The following SLAMF6 variants were observed in gnomAD, a reference collection of about 807,000 sequenced individuals.
The protein encoded by SLAMF6 is SLAM family member 6.
In SLAMF6, 21 loss-of-function variants were observed where a neutral mutation model predicts 38.3. The ratio of observed to expected loss-of-function variants is 0.55; its 90% CI spans 0.39 to 0.79. The LOEUF is 0.79. Among genes scored for constraint, SLAMF6 ranks in the 30% least tolerant of loss-of-function variants. The pLI is 0.00. For missense variants in SLAMF6, 341 were observed against 385.3 expected (o/e 0.89, Z 0.96); for synonymous variants, 152 against 146.3 (o/e 1.04, Z -0.28).
At chr1:160,486,998 G>A in intron 7 of SLAMF6, 106 bp downstream of exon 7, 1 of 1,070,024 alleles carries the variant, frequency 9.3e-7, no homozygotes, top group South Asian at 1.4e-5. Flanking sequence ...TGCTGCTGCT[G>A]TTTGTGCATC....
At chr1:160,490,311 T>G in intron 4 of SLAMF6, 75 bp from the exon 5 acceptor site, 3 of 1,606,982 alleles carry the variant, frequency 1.9e-6, no homozygotes, top group Non-Finnish European at 2.6e-6. Context: ...CCCGTGAGTG[T>G]TGGGATGTGG....
At chr1:160,519,898 A>G (rs1352276589) in intron 1 of SLAMF6, among the ~76,000 whole-genome samples, 1 of 152,158 alleles carries the variant, frequency 6.6e-6, no homozygotes, top group African/African-American at 2.4e-5. Flanking sequence ...AATGTACAAA[A>G]TGTCACTTTA....
chr1:160,489,792 T>C (rs1480151477), intron 5 of SLAMF6, among the ~76,000 whole-genome samples: 1 of 152,192 alleles, frequency 6.6e-6, no homozygotes, highest in Non-Finnish European at 1.5e-5. Flanking sequence ...TCATGTTTTC[T>C]CTTTCCACTG....
chr1:160,512,988 G>A (rs1654567984), intron 1 of SLAMF6, among the ~76,000 whole-genome samples: 1 of 152,138 alleles, frequency 6.6e-6, no homozygotes, highest in South Asian at 2.1e-4. Flanking sequence ...TCTCCAGCAG[G>A]GCACACAACT....
chr1:160,517,335 T>C (rs528319968), intron 1 of SLAMF6, among the ~76,000 whole-genome samples: 4 of 152,074 alleles, frequency 2.6e-5, no homozygotes, highest in Admixed American at 2.6e-4. Flanking sequence ...AGAATAGTGA[T>C]TATGAAAAAG....
chr1:160,499,323 C>A (rs961031751), intron 1 of SLAMF6, among the ~76,000 whole-genome samples: 4 of 152,126 alleles, frequency 2.6e-5, no homozygotes, highest in African/African-American at 9.7e-5. Context: ...GGAGTCCTTT[C>A]CCCATTGCTC....
At chr1:160,510,501 C>CTTAG (rs1654417338) in intron 1 of SLAMF6, among the ~76,000 whole-genome samples, 1 of 152,036 alleles carries the variant, frequency 6.6e-6, no homozygotes, top group African/African-American at 2.4e-5. Context: ...TAATGGCCAT[C>CTTAG]TTAGTTGATG....
intron 6 of SLAMF6, among the ~76,000 whole-genome samples, chr1:160,487,467 T>C (rs1219134112): frequency 2.0e-5 from 3 of 152,220 alleles, no homozygotes; most frequent in African/African-American, 7.2e-5. Flanking sequence ...TCTTGTCCTT[T>C]GTCCAGCTCT....
At chr1:160,515,544 G>T (rs1264690012) in intron 1 of SLAMF6, among the ~76,000 whole-genome samples, 4 of 152,042 alleles carry the variant, frequency 2.6e-5, no homozygotes, top group Non-Finnish European at 5.9e-5. Flanking sequence ...ACCTGGCAGA[G>T]ATACAACAAA....
chr1:160,519,644 G>A (rs12031547), intron 1 of SLAMF6, among the ~76,000 whole-genome samples: 3,912 of 152,218 alleles, frequency 0.026, 102 homozygotes, highest in East Asian at 0.11. Flanking sequence ...ACATGGTTCA[G>A]CATAGGTGAA....
intron 7 of SLAMF6, 151 bp from the exon 8 acceptor site, chr1:160,486,905 A>G (rs1557931804): frequency 1.7e-5 from 17 of 1,015,098 alleles, no homozygotes; most frequent in Non-Finnish European, 2.5e-5. Flanking sequence ...AAAACATGTA[A>G]TTGAAAACTC....
chr1:160,501,943 C>T (rs116496293), intron 1 of SLAMF6, among the ~76,000 whole-genome samples: 154 of 151,818 alleles, frequency 1.0e-3, no homozygotes, highest in African/African-American at 3.7e-3. Context: ...AAAACCAAAC[C>T]AAAGCAAAAC....
chr1:160,493,292 A>G (rs1653403174), intron 2 of SLAMF6, among the ~76,000 whole-genome samples: 1 of 152,052 alleles, frequency 6.6e-6, no homozygotes, highest in Non-Finnish European at 1.5e-5. Context: ...TCTGCGTGGC[A>G]CACTTCCTCA....
intron 1 of SLAMF6, among the ~76,000 whole-genome samples, chr1:160,506,052 T>C (rs1358355353): frequency 6.6e-6 from 1 of 151,968 alleles, no homozygotes; most frequent in Non-Finnish European, 1.5e-5. Context: ...ATAAGCATAA[T>C]AGGAGTCCAA....
chr1:160,500,829 T>TA (rs1653848255), intron 1 of SLAMF6, among the ~76,000 whole-genome samples: 1 of 152,126 alleles, frequency 6.6e-6, no homozygotes, highest in African/African-American at 2.4e-5. Flanking sequence ...GCTCAGTTCC[T>TA]TTTGGTAGGG....
At chr1:160,521,345 T>C (rs547522769) in intron 1 of SLAMF6, among the ~76,000 whole-genome samples, 1 of 152,270 alleles carries the variant, frequency 6.6e-6, no homozygotes, top group African/African-American at 2.4e-5. Flanking sequence ...TCTTTCCCCA[T>C]CTGTGAAGTG....
chr1:160,499,344 G>A (rs1174494641), intron 1 of SLAMF6, among the ~76,000 whole-genome samples: 2 of 152,062 alleles, frequency 1.3e-5, no homozygotes, highest in African/African-American at 4.8e-5. Flanking sequence ...GCTTTTGTTG[G>A]CCTTGTCAAA....
At chr1:160,516,261 A>G (rs1470930619) in intron 1 of SLAMF6, among the ~76,000 whole-genome samples, 1 of 152,184 alleles carries the variant, frequency 6.6e-6, no homozygotes, top group Non-Finnish European at 1.5e-5. Flanking sequence ...AATTGTTACA[A>G]AGAGAATAAA....
rs375739900 is a variant in SLAMF6 at position 160,489,088 on chromosome 1, C to T, written c.879G>A (p.Arg293=). The T allele has an allele frequency of 6.2e-7, 1 of 1,611,458 alleles. No individual in the cohort carries two copies. The highest frequency in any genetic ancestry group is 8.5e-7 in the Non-Finnish European group (1 of 1,177,712). Residue 293 remains arginine (R), a splice_region_variant and synonymous_variant, in exon 6 of 8, where the codon AGG becomes AGA. Coordinates refer to ENST00000368057, the MANE Select transcript of SLAMF6 (RefSeq NM_001184714.2). Reference sequence around the variant, plus strand: ...GGCATATAAAGCTGAAAAGACTCACCCTGTTTGAATGAGTGACTGAAGCAT... The same window carrying T: ...GGCATATAAAGCTGAAAAGACTCACTCTGTTTGAATGAGTGACTGAAGCAT... ...TVYASVTHSN[R]ETEIWTPREN...
Sources: allele counts gnomAD v4.1 joint callset (sites outside exome capture counted in the v4.1 genomes callset), GRCh38; gene constraint gnomAD v4.1.1; transcripts MANE v1.5; gene names NCBI Gene and HGNC (gene_info 2026-07-23, HGNC 2026-07-21).